The following PYROXD1 variants were observed in gnomAD, a reference collection of about 807,000 sequenced individuals.
The protein encoded by PYROXD1 is pyridine nucleotide-disulphide oxidoreductase domain 1.
Under a neutral mutation model 62.0 loss-of-function variants are expected in PYROXD1, and 42 were observed. The ratio of observed to expected loss-of-function variants is 0.68; its 90% CI spans 0.53 to 0.88. The LOEUF is 0.88. PYROXD1 is among the 40% of genes least tolerant of loss of function. The pLI is 0.00. For synonymous variants in PYROXD1, 170 were observed against 206.4 expected (o/e 0.82, Z 1.51); for missense variants, 493 against 604.8 (o/e 0.82, Z 1.94).
At chr12:21,451,322 A>G (rs1002218767) in intron 4 of PYROXD1, among the ~76,000 whole-genome samples, 2 of 151,602 alleles carry the variant, frequency 1.3e-5, no homozygotes, top group Non-Finnish European at 2.9e-5. Context: ...TACATGTGCC[A>G]TGTTGGTGTG....
At chr12:21,467,208 T>C (rs1056730664) in intron 10 of PYROXD1, 8 of 273,700 alleles carry the variant, frequency 2.9e-5, no homozygotes, top group Non-Finnish European at 4.7e-5. Context: ...TCTCACCTGG[T>C]ATAGCTTAAT....
intron 2 of PYROXD1, chr12:21,441,089 C>G (rs1942284827): frequency 6.6e-6 from 1 of 152,332 alleles, no homozygotes; most frequent in Non-Finnish European, 1.5e-5. Flanking sequence ...GTGGCACGAT[C>G]TTGGCTCACT....
chr12:21,461,886 C>T (rs1366125031), intron 8 of PYROXD1, 122 bp from the exon 9 acceptor site: 2 of 537,582 alleles, frequency 3.7e-6, no homozygotes, highest in Admixed American at 6.4e-5. Context: ...GAGTGTGTTA[C>T]AAAGTTATCT....
intron 1 of PYROXD1, among the ~76,000 whole-genome samples, chr12:21,438,900 T>C (rs748083110): frequency 6.6e-6 from 1 of 152,102 alleles, no homozygotes; most frequent in Non-Finnish European, 1.5e-5. Context: ...TGCTGGGGAC[T>C]CACAGCCTGC....
chr12:21,458,376 CT>C (rs1270658640), intron 7 of PYROXD1, among the ~76,000 whole-genome samples: 1 of 152,192 alleles, frequency 6.6e-6, no homozygotes, highest in Admixed American at 6.5e-5. Context: ...TTGATCTTCT[CT>C]CCACACCACT....
chr12:21,468,384 T>C, intron 11 of PYROXD1, 122 bp from the exon 12 acceptor site: 2 of 868,088 alleles, frequency 2.3e-6, no homozygotes, highest in Non-Finnish European at 3.6e-6. Flanking sequence ...CCAATAACAT[T>C]TTTAGTTATG....
At chr12:21,451,033 A>C (rs1198732420) in intron 4 of PYROXD1, among the ~76,000 whole-genome samples, 2 of 152,280 alleles carry the variant, frequency 1.3e-5, no homozygotes, top group South Asian at 4.1e-4. Flanking sequence ...CAATATCCTC[A>C]ATGAAGGACA....
At chr12:21,458,369 A>T (rs1021893046) in intron 7 of PYROXD1, among the ~76,000 whole-genome samples, 1 of 152,090 alleles carries the variant, frequency 6.6e-6, no homozygotes, top group Non-Finnish European at 1.5e-5. Context: ...GGCTGATTTG[A>T]TCTTCTCTCC....
At chr12:21,439,054 GA>G (rs780080600) in intron 1 of PYROXD1, among the ~76,000 whole-genome samples, 8 of 152,176 alleles carry the variant, frequency 5.3e-5, no homozygotes, top group Non-Finnish European at 1.0e-4. Flanking sequence ...ATCTCATTAT[GA>G]AAGAATGAGT....
In PYROXD1 at chr12:21,462,074, C is replaced by CT. The variant is rs779089124; in HGVS notation, c.948dup (p.Thr317TyrfsTer14). 1.9e-6 allele frequency: 3 copies of CT among 1,612,774 alleles called. No individual in the cohort carries two copies. The East Asian group carries it at 6.7e-5, about 36-fold the overall frequency. On this transcript the variant is annotated frameshift_variant, in exon 9 of 12. Coordinates refer to ENST00000240651, the MANE Select transcript of PYROXD1 (RefSeq NM_024854.5). LOFTEE classifies it high-confidence loss of function. ...TATGGCTGCGATTTCATTGTCAGTG[C>CT]TACAGGAGTTACACCAAATGTAGAA...
At chr12:21,452,697 A>G (rs1942523288) in intron 5 of PYROXD1, among the ~76,000 whole-genome samples, 1 of 152,098 alleles carries the variant, frequency 6.6e-6, no homozygotes, top group South Asian at 2.1e-4. Context: ...ACGATATTAC[A>G]AGTTCAAAAA....
chr12:21,465,686 T>C (rs367671387), intron 10 of PYROXD1, among the ~76,000 whole-genome samples: 47 of 151,538 alleles, frequency 3.1e-4, no homozygotes, highest in African/African-American at 1.1e-3. Flanking sequence ...TCCCATTTGT[T>C]AATTTTGACT....
At chr12:21,442,515 T>A (rs141362158) in intron 2 of PYROXD1, among the ~76,000 whole-genome samples, 11 of 152,194 alleles carry the variant, frequency 7.2e-5, no homozygotes, top group African/African-American at 2.7e-4. Context: ...ACTAGCTTAC[T>A]ATGGTGATGG....
intron 4 of PYROXD1, 43 bp from the exon 5 acceptor site, chr12:21,452,038 C>A (rs768284286): frequency 1.8e-6 from 2 of 1,124,084 alleles, no homozygotes; most frequent in South Asian, 2.8e-5. Context: ...GATTATTGCC[C>A]ACTATTACAA....
chr12:21,438,964 A>G (rs1942246384), intron 1 of PYROXD1, among the ~76,000 whole-genome samples: 1 of 152,212 alleles, frequency 6.6e-6, no homozygotes, highest in Admixed American at 6.5e-5. Context: ...ATCAACGGTT[A>G]TCTTAGAGGT....
intron 2 of PYROXD1, 109 bp from the exon 3 acceptor site, chr12:21,445,238 G>A: frequency 1.7e-6 from 2 of 1,196,606 alleles, no homozygotes; most frequent in African/African-American, 3.1e-5. Context: ...TAACTTGTTT[G>A]TTTTATAAAC....
rs11046072 is a variant in PYROXD1, at chr12:21,460,568, C to A, written c.751-457C>A. 3.4e-3 allele frequency among the ~76,000 whole-genome samples: 519 copies of A among 151,798 alleles called. 3 individuals are homozygous for A. The highest frequency in any genetic ancestry group is 0.012 in the African/African-American group (491 of 41,410). On this transcript the variant is annotated intron_variant, in intron 7 of 11. Transcript: ENST00000240651. ...CCTCCCGAGTAGCTGGGACTACAGG[C>A]GCACACCACCAGGCCTGGCTAATTT...
intron 7 of PYROXD1, among the ~76,000 whole-genome samples, chr12:21,457,325 A>G (rs1310048400): frequency 6.6e-6 from 1 of 152,088 alleles, no homozygotes; most frequent in East Asian, 1.9e-4. Flanking sequence ...TGCAGAATGG[A>G]TATTGTATTA....
intron 2 of PYROXD1, among the ~76,000 whole-genome samples, chr12:21,443,598 G>A (rs1439266038): frequency 6.6e-6 from 1 of 152,062 alleles, no homozygotes; most frequent in Non-Finnish European, 1.5e-5. Context: ...ATGTGTATGA[G>A]CTACAGAACT....
Sources: allele counts gnomAD v4.1 joint callset (sites outside exome capture counted in the v4.1 genomes callset), GRCh38; gene constraint gnomAD v4.1.1; transcripts MANE v1.5; gene names NCBI Gene and HGNC (gene_info 2026-07-23, HGNC 2026-07-21).